FOXP2: variants seen among roughly 807,000 people sequenced by gnomAD.
FOXP2 encodes forkhead box protein P2.
A neutral mutation model predicts 115.8 loss-of-function variants in FOXP2; 12 were observed. The ratio of observed to expected loss-of-function variants is 0.10; its 90% CI spans 0.07 to 0.17. The LOEUF is 0.17. FOXP2 is among the 10% of genes least tolerant of loss of function. The probability of loss-of-function intolerance (pLI) is 1.00; values close to 1 mark genes in which losing one functional copy is unlikely to be tolerated. For synonymous variants in FOXP2, 328 were observed against 297.7 expected, an observed-to-expected ratio of 1.10 and a Z score of -1.05; for missense variants, 629 against 843.5, an observed-to-expected ratio of 0.75 and a Z score of 3.15.
At chr7:114,566,585 G>T (rs1801034648) in intron 3 of FOXP2, among the ~76,000 whole-genome samples, 1 of 152,058 alleles carries the variant, frequency 6.6e-6, no homozygotes, top group Non-Finnish European at 1.5e-5. Flanking sequence ...GCCCTCACCA[G>T]ATGCAGATGC....
intron 1 of FOXP2, among the ~76,000 whole-genome samples, chr7:114,187,779 A>C (rs1221827444): frequency 6.6e-6 from 1 of 152,090 alleles, no homozygotes; most frequent in African/African-American, 2.4e-5. Context: ...TGAGTAATTT[A>C]TAATGAATAG....
At chr7:114,146,815 C>G (rs1317507467) in intron 1 of FOXP2, among the ~76,000 whole-genome samples, 2 of 152,062 alleles carry the variant, frequency 1.3e-5, no homozygotes, top group Non-Finnish European at 2.9e-5. Context: ...TCATTATCAC[C>G]CTACAGTTAT....
intron 8 of FOXP2, 93 bp from the exon 9 acceptor site, chr7:114,652,110 C>A (rs1277882040): frequency 1.1e-5 from 13 of 1,143,004 alleles, no homozygotes; most frequent in Non-Finnish European, 1.7e-5. Flanking sequence ...TGCACAGAAA[C>A]ATCTGACTTC....
Position 114,105,167 on chromosome 7 carries a change from C to T in FOXP2, c.-247+17329C>T, listed in dbSNP as rs557928574. Among the ~76,000 whole-genome samples, 8 of 152,108 alleles carry T rather than the reference C, an allele frequency of 5.3e-5. No homozygotes were observed. In the South Asian group the frequency reaches 1.2e-3, roughly 24 times the overall value. ...AGTCGTGGGTTTGTCTAAAGACTGG[C>T]ACATTTTAGTTTGTACCAGTTTTTG... On this transcript the variant is annotated intron_variant, in intron 1 of 19. Transcript: ENST00000635638.
intron 1 of FOXP2, among the ~76,000 whole-genome samples, chr7:114,141,056 G>A (rs1424351371): frequency 1.3e-5 from 2 of 152,146 alleles, no homozygotes; most frequent in Non-Finnish European, 2.9e-5. Flanking sequence ...AATTATGATG[G>A]TGGGAGAGTG....
intron 2 of FOXP2, among the ~76,000 whole-genome samples, chr7:114,349,663 G>T (rs1791432559): frequency 8.2e-6 from 1 of 122,250 alleles, no homozygotes. Context: ...ACACAGGTGT[G>T]TGTGTGTCTG....
chr7:114,682,770 A>G (rs1394869002), intron 16 of FOXP2, among the ~76,000 whole-genome samples: 1 of 152,178 alleles, frequency 6.6e-6, no homozygotes, highest in East Asian at 1.9e-4. Flanking sequence ...TTGAGTTGGC[A>G]TATAACTTGA....
chr7:114,386,552 G>A (rs1032651899), intron 2 of FOXP2, among the ~76,000 whole-genome samples: 13 of 152,172 alleles, frequency 8.5e-5, no homozygotes, highest in African/African-American at 3.1e-4. Flanking sequence ...AGGAGCCAGG[G>A]AGCAGACCGT....
chr7:114,469,568 T>A (rs563199993), intron 2 of FOXP2, among the ~76,000 whole-genome samples: 21 of 152,308 alleles, frequency 1.4e-4, no homozygotes, highest in Middle Eastern at 3.4e-3. Flanking sequence ...TATGTTTAAC[T>A]TCTGTCTTTA....
chr7:114,323,757 G>A lies in FOXP2; in HGVS notation c.-11+35648G>A, dbSNP rs563994095. Among the ~76,000 whole-genome samples, 3 of 151,932 alleles carry A rather than the reference G, an allele frequency of 2.0e-5. No homozygotes were observed. The South Asian group carries it at 6.2e-4, about 32-fold the overall frequency. On this transcript the variant is annotated intron_variant, in intron 2 of 17. Coordinates refer to the FOXP2 transcript ENST00000634411. ...AGAGTACTTATAATTTTCCTCCCAG[G>A]AACAAGTACAGTCTAAAAACACTTA...
At chr7:114,628,869 A>G in intron 4 of FOXP2, 192 bp downstream of exon 4, 1 of 653,910 alleles carries the variant, frequency 1.5e-6, no homozygotes, top group East Asian at 3.0e-5. Context: ...TTTTTAAAAA[A>G]ATTATTAAAG....
At chr7:114,219,044 C>G (rs1794554712) in intron 1 of FOXP2, among the ~76,000 whole-genome samples, 2 of 152,114 alleles carry the variant, frequency 1.3e-5, no homozygotes, top group South Asian at 4.1e-4. Context: ...GAAAGACTAA[C>G]TTAATATTCA....
chr7:114,105,661 C>T (rs1244125107), intron 1 of FOXP2, among the ~76,000 whole-genome samples: 4 of 151,950 alleles, frequency 2.6e-5, no homozygotes, highest in African/African-American at 9.7e-5. Flanking sequence ...TGGGTCATCT[C>T]ACATTATTCT....
intron 1 of FOXP2, among the ~76,000 whole-genome samples, chr7:114,207,577 T>A (rs1794231972): frequency 6.6e-6 from 1 of 152,244 alleles, no homozygotes; most frequent in Non-Finnish European, 1.5e-5. Context: ...TAGTAATGCC[T>A]GTTGACATCA....
chr7:114,479,855 A>G (rs1407297214), intron 2 of FOXP2, among the ~76,000 whole-genome samples: 3 of 151,568 alleles, frequency 2.0e-5, no homozygotes, highest in Admixed American at 6.6e-5. Context: ...AATGAGTTGC[A>G]TAAAAGCTTG....
At chr7:114,656,483 G>A (rs747729448) in intron 10 of FOXP2, 36 of 451,782 alleles carry the variant, frequency 8.0e-5, no homozygotes, top group Non-Finnish European at 1.1e-4. Context: ...ATGTTTCTGC[G>A]TTTCTCAAAC....
At chr7:114,643,163 G>A (rs1414092598) in intron 7 of FOXP2, among the ~76,000 whole-genome samples, 1 of 152,008 alleles carries the variant, frequency 6.6e-6, no homozygotes, top group African/African-American at 2.4e-5. Flanking sequence ...TTTGATGGAT[G>A]TAGTTTGGGA....
chr7:114,244,300 A>G (rs186267087), intron 1 of FOXP2, among the ~76,000 whole-genome samples: 1 of 151,112 alleles, frequency 6.6e-6, no homozygotes. Context: ...TCAAGTCCAT[A>G]CTTTATTCAC....
chr7:114,231,785 T>C (rs926846674), intron 1 of FOXP2, among the ~76,000 whole-genome samples: 2 of 152,154 alleles, frequency 1.3e-5, no homozygotes, highest in Non-Finnish European at 2.9e-5. Context: ...CATAGAGGAA[T>C]AGCTTCATGA....
Sources: gnomAD v4.1 joint callset for allele counts (sites outside exome capture counted in the v4.1 genomes callset) on GRCh38, gnomAD v4.1.1 for gene constraint, MANE v1.5 for transcripts, NCBI Gene and HGNC (gene_info 2026-07-23, HGNC 2026-07-21) for gene names.